The following RUFY3 variants were observed in gnomAD, a reference collection of about 807,000 sequenced individuals.
RUFY3 encodes the protein protein RUFY3.
Under a neutral mutation model 84.0 loss-of-function variants are expected in RUFY3, and 34 were observed. The observed-to-expected ratio is 0.40, with a 90% CI of 0.31 to 0.54. The LOEUF (loss-of-function observed/expected upper bound fraction) is 0.54. RUFY3 is among the 20% of genes least tolerant of loss of function. The probability of loss-of-function intolerance (pLI) is 0.39; values close to 1 mark genes in which losing one functional copy is unlikely to be tolerated. For synonymous variants in RUFY3, 242 were observed against 252.9 expected, an observed-to-expected ratio of 0.96 and a Z score of 0.41; for missense variants, 507 against 736.8, an observed-to-expected ratio of 0.69 and a Z score of 3.61.
At chr4:70,776,314 C>T (rs28454458) in intron 7 of RUFY3, among the ~76,000 whole-genome samples, 8,166 of 152,214 alleles carry the variant, frequency 0.054, 530 homozygotes, top group African/African-American at 0.16. Flanking sequence ...TAGTGTCTCC[C>T]TCAAAATCAA....
chr4:70,785,085 T>C (rs921714670), intron 10 of RUFY3, among the ~76,000 whole-genome samples: 1 of 152,196 alleles, frequency 6.6e-6, no homozygotes, highest in Non-Finnish European at 1.5e-5. Context: ...AAGATTTTGT[T>C]AATCTTTATT....
At chr4:70,707,448 G>GTTGGTTT (rs1740465864) in intron 1 of RUFY3, among the ~76,000 whole-genome samples, 1 of 152,156 alleles carries the variant, frequency 6.6e-6, no homozygotes, top group Non-Finnish European at 1.5e-5. Context: ...GTTTCACCAT[G>GTTGGTTT]TTGGCCAGGC....
At chr4:70,753,748 G>A (rs573681579) in intron 1 of RUFY3, among the ~76,000 whole-genome samples, 2 of 152,224 alleles carry the variant, frequency 1.3e-5, no homozygotes, top group African/African-American at 2.4e-5. Flanking sequence ...CTGGTTCCAG[G>A]TATATTAATA....
chr4:70,716,304 C>T (rs1323835005), intron 1 of RUFY3, among the ~76,000 whole-genome samples: 2 of 151,814 alleles, frequency 1.3e-5, no homozygotes, highest in African/African-American at 4.8e-5. Flanking sequence ...TACCACATTG[C>T]CTGGCTAATT....
At chr4:70,786,414 C>G (rs1251702279) in intron 10 of RUFY3, among the ~76,000 whole-genome samples, 2 of 149,326 alleles carry the variant, frequency 1.3e-5, no homozygotes, top group African/African-American at 4.9e-5. Context: ...TTTATTGATG[C>G]ATAATAGATA....
chr4:70,792,517 G>A (rs1730982381), intron 12 of RUFY3: 1 of 985,110 alleles, frequency 1.0e-6, no homozygotes, highest in East Asian at 1.1e-4. Flanking sequence ...GATTTTTTAA[G>A]ATGATTTTTG....
chr4:70,760,541 A>C (rs1229830546), intron 1 of RUFY3, among the ~76,000 whole-genome samples: 2 of 149,936 alleles, frequency 1.3e-5, no homozygotes, highest in African/African-American at 4.9e-5. Flanking sequence ...ATTCATACCC[A>C]CACCCCAGCT....
chr4:70,767,535 T>C (rs1208350928), intron 4 of RUFY3, among the ~76,000 whole-genome samples: 1 of 152,152 alleles, frequency 6.6e-6, no homozygotes, highest in Non-Finnish European at 1.5e-5. Context: ...ATGCAGGTTT[T>C]TGTGTGGACG....
At position 70,774,647 on chromosome 4, in the gene RUFY3, ATATATAT is replaced by A. The variant is rs1560532326; in HGVS notation, c.759-520_759-514del. Among the ~76,000 whole-genome samples the A allele has an allele frequency of 2.7e-4, 23 of 85,946 alleles. 1 individual carries two copies. Among genetic ancestry groups the A allele is most frequent in the African/African-American group, 9.8e-4 (18 of 18,300 alleles). The allele number at this position is 85,946 out of a possible 152,430, so 56.4% of individuals were successfully genotyped here. On this transcript the variant is annotated intron_variant, in intron 6 of 17. Transcript: ENST00000381006. ...AAAAAAAAAAAAAAAAAAAAAAAAT[ATATATAT>A]ATATATATATATATATAAAATAAAC...
intron 1 of RUFY3, among the ~76,000 whole-genome samples, chr4:70,742,505 G>A (rs900219981): frequency 1.3e-5 from 2 of 152,048 alleles, no homozygotes; most frequent in Non-Finnish European, 1.5e-5. Flanking sequence ...CCCTCCGCCT[G>A]TGCCACCTGC....
At chr4:70,759,866 C>T (rs934952941) in intron 1 of RUFY3, among the ~76,000 whole-genome samples, 1 of 152,134 alleles carries the variant, frequency 6.6e-6, no homozygotes, top group African/African-American at 2.4e-5. Context: ...TGTCTGGAGA[C>T]ATTTTTGGTT....
rs1312248345 is a variant in RUFY3, at chr4:70,759,360, GTGTGTGTGTGTA to G, written c.179-3147_179-3136del. Among the ~76,000 whole-genome samples, 15 of 101,172 alleles carry G rather than the reference GTGTGTGTGTGTA, an allele frequency of 1.5e-4. No homozygotes were observed. The East Asian group carries it at 2.0e-3, about 13-fold the overall frequency. The allele number at this position is 101,172 out of a possible 152,430, so 66.4% of individuals were successfully genotyped here. On this transcript the variant is annotated intron_variant, in intron 1 of 17. Coordinates refer to ENST00000381006, the MANE Select transcript of RUFY3 (RefSeq NM_001037442.4). ...TCATTCTTTTTATGGCTGAATTTGTGTGTGTGTGTGTATGTGTGTGTGTGTGTGTGTGTGTGT... is the reference window on the plus strand; with the variant it reads ...TCATTCTTTTTATGGCTGAATTTGTGTGTGTGTGTGTGTGTGTGTGTGTGT...
At chr4:70,706,935 T>A (rs974901633) in intron 1 of RUFY3, among the ~76,000 whole-genome samples, 1 of 152,240 alleles carries the variant, frequency 6.6e-6, no homozygotes, top group African/African-American at 2.4e-5. Context: ...TTTCTTTCTG[T>A]GTAATCTACA....
chr4:70,705,217 C>A, exon 1 of RUFY3: 1 of 1,461,490 alleles, frequency 6.8e-7, no homozygotes, highest in Non-Finnish European at 9.0e-7. Flanking sequence ...ACCCCGCCGT[C>A]CCCCGGCTCA....
intron 1 of RUFY3, among the ~76,000 whole-genome samples, chr4:70,705,787 C>G (rs1337888481): frequency 6.6e-6 from 1 of 152,118 alleles, no homozygotes; most frequent in African/African-American, 2.4e-5. Context: ...GGTGTGGCTG[C>G]TGCGCCGCCG....
chr4:70,798,598 A>T (rs1731823198), intron 14 of RUFY3, among the ~76,000 whole-genome samples: 1 of 152,142 alleles, frequency 6.6e-6, no homozygotes, highest in South Asian at 2.1e-4. Flanking sequence ...CCTGGGCAAC[A>T]TGGTGAAACC....
intron 1 of RUFY3, among the ~76,000 whole-genome samples, chr4:70,751,490 G>A (rs1560494367): frequency 6.6e-6 from 1 of 152,228 alleles, no homozygotes; most frequent in South Asian, 2.1e-4. Flanking sequence ...ATCTCATCTT[G>A]ATTTGTATTT....
intron 1 of RUFY3, among the ~76,000 whole-genome samples, chr4:70,732,651 A>G (rs1292224846): frequency 7.2e-5 from 11 of 152,058 alleles, no homozygotes; most frequent in Admixed American, 7.2e-4. Context: ...GCAAGCTATC[A>G]CAAGGACAAA....
At chr4:70,766,639 A>G (rs923715755) in intron 4 of RUFY3, among the ~76,000 whole-genome samples, 9 of 152,170 alleles carry the variant, frequency 5.9e-5, no homozygotes, top group Admixed American at 5.9e-4. Flanking sequence ...TTTTTCATAC[A>G]TACCCTTCCC....
Sources: gnomAD v4.1 joint callset for allele counts (sites outside exome capture counted in the v4.1 genomes callset) on GRCh38, gnomAD v4.1.1 for gene constraint, MANE v1.5 for transcripts, NCBI Gene and HGNC (gene_info 2026-07-23, HGNC 2026-07-21) for gene names.